The following MAS1 variants were observed in gnomAD, a reference collection of about 807,000 sequenced individuals.
MAS1 encodes proto-oncogene Mas.
For missense variants in MAS1, 387 were observed against 409.7 expected (o/e 0.94, Z 0.48); for synonymous variants, 163 against 164.2 (o/e 0.99, Z 0.05).
In MAS1 at chr6:159,916,784, A is replaced by G. The variant is rs2115128132; in HGVS notation, c.*8851A>G. ...CAATGAAGCTGCTGTTGAGGGCCGG[A>G]TAGCAGCCACTCTTGGCTTTGCGGG... On this transcript the variant is annotated 3_prime_UTR_variant, in exon 3 of 3. Coordinates refer to ENST00000674077, the MANE Select transcript of MAS1 (RefSeq NM_002377.4). Among the ~76,000 whole-genome samples, 1 of 152,368 alleles carries G rather than the reference A, an allele frequency of 6.6e-6. No homozygotes were observed. Among genetic ancestry groups the G allele is most frequent in the African/African-American group, 2.4e-5 (1 of 41,596 alleles).
rs1290869658 is a variant in MAS1, at chr6:159,910,182, G to C, written c.*2249G>C. The C allele has an allele frequency of 6.6e-6, 1 of 152,222 alleles. No individual in the cohort carries two copies. The highest frequency in any genetic ancestry group is 1.5e-5 in the Non-Finnish European group (1 of 68,038). The allele number at this position is 152,222 out of a possible 1,614,324, so 9.4% of individuals were successfully genotyped here. On this transcript the variant is annotated 3_prime_UTR_variant, in exon 3 of 3. Coordinates refer to ENST00000674077, the MANE Select transcript of MAS1 (RefSeq NM_002377.4). ...ATGGGGAGGAGATTGTTTGGATAAT[G>C]CCTGTCCTAACTGAACGGGAAGGGT...
chr6:159,897,448 T>A (rs1782767103), intron 1 of MAS1, among the ~76,000 whole-genome samples: 1 of 151,948 alleles, frequency 6.6e-6, no homozygotes, highest in African/African-American at 2.4e-5. Context: ...AATGGGGAGG[T>A]AGAGAATCTT....
rs564123942 is a variant in MAS1 at position 159,900,570 on chromosome 6, G to A, written c.-37+1178G>A. Among the ~76,000 whole-genome samples, 7 of 152,290 alleles carry A rather than the reference G, an allele frequency of 4.6e-5. No individual in the cohort carries two copies. In the South Asian group the frequency reaches 8.3e-4, roughly 18 times the overall value. On this transcript the variant is annotated intron_variant, in intron 2 of 2. Transcript: ENST00000674077. The stretch of plus-strand genomic sequence containing the variant: ...AAAACAATTTGGAGGATTATGATTC[G>A]TTTTTGAATGAGAACTAGTTTTAAT...
rs1782997345 is a variant in MAS1 at position 159,914,331 on chromosome 6, A to G, written c.*6398A>G. On this transcript the variant is annotated 3_prime_UTR_variant, in exon 3 of 3. Coordinates refer to ENST00000674077, the MANE Select transcript of MAS1 (RefSeq NM_002377.4). ...CGTCGATCCCCGTGCAATTGAGAAG[A>G]TAGTCACCTCTGACAGTTTTTTAAG... 1 of 151,744 alleles carries G rather than the reference A, an allele frequency of 6.6e-6. No homozygotes were observed. Among genetic ancestry groups the G allele is most frequent in the African/African-American group, 2.4e-5 (1 of 41,270 alleles). 9.4% of individuals were successfully genotyped at this position (151,744 alleles called of 1,614,324 possible).
At chr6:159,891,382 C>T (rs1782697580) in intron 1 of MAS1, among the ~76,000 whole-genome samples, 2 of 152,174 alleles carry the variant, frequency 1.3e-5, no homozygotes, top group Admixed American at 1.3e-4. Flanking sequence ...TTTTCAACTT[C>T]AGGGTTGAAA....
chr6:159,901,670 C>T (rs894367508), intron 2 of MAS1, among the ~76,000 whole-genome samples: 3 of 151,706 alleles, frequency 2.0e-5, no homozygotes, highest in Admixed American at 6.6e-5. Context: ...ATGAACATAG[C>T]AAGATCCCAT....
chr6:159,896,923 G>T (rs963408073), intron 1 of MAS1, among the ~76,000 whole-genome samples: 1 of 152,072 alleles, frequency 6.6e-6, no homozygotes, highest in African/African-American at 2.4e-5. Flanking sequence ...ACCCCGGCTG[G>T]AGTGCAGTGG....
At chr6:159,901,002 A>G (rs911111049) in intron 2 of MAS1, among the ~76,000 whole-genome samples, 4 of 152,336 alleles carry the variant, frequency 2.6e-5, no homozygotes, top group African/African-American at 9.6e-5. Context: ...GGAGGCCAGA[A>G]GTCCAAGATC....
At chr6:159,897,946 G>A (rs1340104106) in intron 1 of MAS1, among the ~76,000 whole-genome samples, 1 of 151,854 alleles carries the variant, frequency 6.6e-6, no homozygotes, top group African/African-American at 2.4e-5. Flanking sequence ...AGGCTAGAGT[G>A]CAGTGGCGCG....
At chr6:159,898,647 TTCC>T (rs1782787044) in intron 1 of MAS1, among the ~76,000 whole-genome samples, 1 of 55,986 alleles carries the variant, frequency 1.8e-5, no homozygotes, top group Non-Finnish European at 3.3e-5. Flanking sequence ...CTCCTCCCTC[TTCC>T]TCCTCCTCCC....
rs979230495 is a variant in MAS1 at position 159,913,861 on chromosome 6, T to C, written c.*5928T>C. On this transcript the variant is annotated 3_prime_UTR_variant, in exon 3 of 3. Transcript: ENST00000674077. Reference sequence around the variant, plus strand: ...AATTTTGGTCCTCATTTTAACAAGATTCCTTTTTAACAATCTTTTACTAAA... The same window carrying C: ...AATTTTGGTCCTCATTTTAACAAGACTCCTTTTTAACAATCTTTTACTAAA... 2.0e-5 allele frequency: 3 copies of C among 152,244 alleles called. No homozygotes were observed. Among genetic ancestry groups the C allele is most frequent in the African/African-American group, 7.2e-5 (3 of 41,460 alleles). The allele number at this position is 152,244 out of a possible 1,614,324, so 9.4% of individuals were successfully genotyped here.
chr6:159,906,846 A>T (rs1222404678), intron 2 of MAS1, 74 bp from the exon 3 acceptor site: 11 of 1,162,434 alleles, frequency 9.5e-6, no homozygotes, highest in Non-Finnish European at 1.3e-5. Flanking sequence ...TTTATAGCTG[A>T]ATTTCTCCCT....
rs1245639157 is a variant in MAS1 at position 159,909,069 on chromosome 6, G to T, written c.*1136G>T. ...CATCCTGGAGGACTCTGATATTTTTGCTCATGACAGATCCTTGCATGACTT... is the reference window on the plus strand; with the variant it reads ...CATCCTGGAGGACTCTGATATTTTTTCTCATGACAGATCCTTGCATGACTT... On this transcript the variant is annotated 3_prime_UTR_variant, in exon 3 of 3. Transcript: ENST00000674077. 4 of 149,728 alleles carry T rather than the reference G, an allele frequency of 2.7e-5. No homozygotes were observed. Among genetic ancestry groups the T allele is most frequent in the Admixed American group, 1.3e-4 (2 of 14,920 alleles). 9.3% of individuals were successfully genotyped at this position (149,728 alleles called of 1,614,324 possible). A position where few individuals can be genotyped will look rare whatever the true frequency, so the allele number is the denominator to read the frequency against.
chr6:159,894,704 T>C (rs552945141), intron 1 of MAS1, among the ~76,000 whole-genome samples: 1 of 152,320 alleles, frequency 6.6e-6, no homozygotes, highest in Admixed American at 6.5e-5. Context: ...CGCTGTTGAA[T>C]GCACTGGCTC....
At chr6:159,892,771 A>G (rs1782713462) in intron 1 of MAS1, among the ~76,000 whole-genome samples, 2 of 152,152 alleles carry the variant, frequency 1.3e-5, no homozygotes, top group African/African-American at 4.8e-5. Context: ...TTACACATCA[A>G]TGGAAACCAC....
chr6:159,898,289 T>C (rs1782776533), intron 1 of MAS1, among the ~76,000 whole-genome samples: 1 of 151,870 alleles, frequency 6.6e-6, no homozygotes, highest in African/African-American at 2.4e-5. Context: ...AACTTAAGTA[T>C]AGAGAGGCTG....
chr6:159,905,830 T>C (rs1317633937), intron 2 of MAS1, among the ~76,000 whole-genome samples: 1 of 152,058 alleles, frequency 6.6e-6, no homozygotes, highest in African/African-American at 2.4e-5. Context: ...TCACCTGAGG[T>C]CGGGAGTTCA....
chr6:159,912,909 G>T lies in MAS1; in HGVS notation c.*4976G>T, dbSNP rs1375659939. The T allele has an allele frequency of 1.3e-5, 2 of 152,190 alleles. No homozygotes were observed. The highest frequency in any genetic ancestry group is 2.9e-5 in the Non-Finnish European group (2 of 68,030). 9.4% of individuals were successfully genotyped at this position (152,190 alleles called of 1,614,324 possible). Reference sequence around the variant, plus strand: ...AGACCGGTTAGCAGCTGAATCAGAGGTAAATAAACAAGGATGATGATGAGA... The same window carrying T: ...AGACCGGTTAGCAGCTGAATCAGAGTTAAATAAACAAGGATGATGATGAGA... On this transcript the variant is annotated 3_prime_UTR_variant, in exon 3 of 3. Coordinates refer to ENST00000674077, the MANE Select transcript of MAS1 (RefSeq NM_002377.4).
intron 2 of MAS1, among the ~76,000 whole-genome samples, chr6:159,901,771 C>G (rs1782824777): frequency 6.6e-6 from 1 of 151,644 alleles, no homozygotes; most frequent in East Asian, 1.9e-4. Context: ...GGAGTGTCAC[C>G]TGAGCCCAGG....
Sources: gnomAD v4.1 joint callset for allele counts (sites outside exome capture counted in the v4.1 genomes callset) on GRCh38, gnomAD v4.1.1 for gene constraint, MANE v1.5 for transcripts, NCBI Gene and HGNC (gene_info 2026-07-23, HGNC 2026-07-21) for gene names.